Variants in ADGRL3 observed in about 807,000 individuals in gnomAD.
ADGRL3 encodes adhesion G protein-coupled receptor L3.
Under a neutral mutation model 153.5 loss-of-function variants are expected in ADGRL3, and 62 were observed. The observed-to-expected ratio is 0.40, with a 90% CI of 0.33 to 0.50. ADGRL3 has a LOEUF of 0.50. ADGRL3 is among the 20% of genes least tolerant of loss of function. The pLI is 0.47. For synonymous variants in ADGRL3, 710 were observed against 672.5 expected, an observed-to-expected ratio of 1.06 and a Z score of -0.86; for missense variants, 1,641 against 1,859.4, an observed-to-expected ratio of 0.88 and a Z score of 2.16.
At chr4:61,672,284 C>T (rs2095035462) in intron 5 of ADGRL3, among the ~76,000 whole-genome samples, 1 of 151,994 alleles carries the variant, frequency 6.6e-6, no homozygotes, top group Non-Finnish European at 1.5e-5. Context: ...ATCCAGTTTC[C>T]CCAGCCTCCT....
intron 5 of ADGRL3, among the ~76,000 whole-genome samples, chr4:61,645,934 G>A (rs2093957384): frequency 1.3e-5 from 2 of 152,228 alleles, no homozygotes; most frequent in South Asian, 2.1e-4. Flanking sequence ...AATCAGACAT[G>A]GATTTGGTTT....
intron 5 of ADGRL3, among the ~76,000 whole-genome samples, chr4:61,643,383 G>T (rs2093787488): frequency 6.6e-6 from 1 of 151,782 alleles, no homozygotes; most frequent in African/African-American, 2.4e-5. Flanking sequence ...CAAAGGGAAT[G>T]CTTCCAGTTT....
At position 61,886,656 on chromosome 4, in the gene ADGRL3, G is replaced by GTTTT. The variant is rs545920163; in HGVS notation, c.1481-5997_1481-5996insTTTT. On this transcript the variant is annotated intron_variant, in intron 9 of 26. Transcript: ENST00000683033. ...TGTTTGTTTGTTTGTTTGTTTGTTT[G>GTTTT]TTTGTGACAGAGTCTCACTCTGTCG... Among the ~76,000 whole-genome samples, 949 of 151,562 alleles carry GTTTT rather than the reference G, an allele frequency of 6.3e-3. 13 individuals are homozygous for GTTTT. Among genetic ancestry groups the GTTTT allele is most frequent in the Non-Finnish European group, 7.2e-3 (488 of 67,878 alleles).
chr4:61,231,151 G>C (rs1219635578), intron 1 of ADGRL3, among the ~76,000 whole-genome samples: 2 of 152,202 alleles, frequency 1.3e-5, no homozygotes, highest in Non-Finnish European at 2.9e-5. Flanking sequence ...TCTGTGCGGA[G>C]ATAGTAGACC....
At chr4:61,640,433 C>A (rs1433794122) in intron 5 of ADGRL3, among the ~76,000 whole-genome samples, 1 of 152,084 alleles carries the variant, frequency 6.6e-6, no homozygotes, top group Admixed American at 6.6e-5. Context: ...CTGTTTAGAA[C>A]CAACAGTTCC....
chr4:61,557,330 A>T (rs2098771782), intron 4 of ADGRL3, among the ~76,000 whole-genome samples: 1 of 152,162 alleles, frequency 6.6e-6, no homozygotes. Context: ...ACAAACATAT[A>T]ATCTAAAACA....
At chr4:61,607,824 A>C (rs1055058731) in intron 5 of ADGRL3, among the ~76,000 whole-genome samples, 11 of 152,120 alleles carry the variant, frequency 7.2e-5, no homozygotes, top group African/African-American at 2.7e-4. Flanking sequence ...GGAAGAGATC[A>C]GTTTTAGGGA....
At chr4:61,914,069 G>A (rs1031069658) in intron 13 of ADGRL3, among the ~76,000 whole-genome samples, 1 of 152,060 alleles carries the variant, frequency 6.6e-6, no homozygotes, top group African/African-American at 2.4e-5. Context: ...ATGAATAAAT[G>A]TTAGTACACT....
chr4:61,568,697 T>A (rs1485148422), intron 4 of ADGRL3, among the ~76,000 whole-genome samples: 1 of 152,158 alleles, frequency 6.6e-6, no homozygotes, highest in Non-Finnish European at 1.5e-5. Context: ...TCAGTCTTCA[T>A]CCTCATTGAA....
At chr4:61,985,063 C>A (rs2099080685) in intron 19 of ADGRL3, among the ~76,000 whole-genome samples, 2 of 151,688 alleles carry the variant, frequency 1.3e-5, no homozygotes, top group Non-Finnish European at 2.9e-5. Flanking sequence ...TAGAAAGACA[C>A]AAGACTAAAC....
chr4:61,577,156 G>A (rs1365889294), intron 4 of ADGRL3, among the ~76,000 whole-genome samples: 9 of 150,188 alleles, frequency 6.0e-5, no homozygotes, highest in Admixed American at 6.0e-4. Flanking sequence ...ATAATTGTGT[G>A]TGTGTGTGTG....
At chr4:61,570,178 G>A (rs2098832704) in intron 4 of ADGRL3, among the ~76,000 whole-genome samples, 1 of 151,986 alleles carries the variant, frequency 6.6e-6, no homozygotes, top group Admixed American at 6.6e-5. Context: ...TAAGCTTTTT[G>A]TATTGCCTTA....
At chr4:61,315,491 C>A (rs552842460) in intron 1 of ADGRL3, among the ~76,000 whole-genome samples, 1 of 152,268 alleles carries the variant, frequency 6.6e-6, no homozygotes, top group African/African-American at 2.4e-5. Context: ...TACAAAGTTC[C>A]TTCTATGAGG....
At chr4:62,008,671 G>C (rs1192288241) in intron 21 of ADGRL3, among the ~76,000 whole-genome samples, 1 of 150,516 alleles carries the variant, frequency 6.6e-6, no homozygotes, top group Admixed American at 6.6e-5. Context: ...TATATTTACA[G>C]GTTAAAAATT....
chr4:61,650,491 T>C (rs1026347904), intron 5 of ADGRL3, among the ~76,000 whole-genome samples: 12 of 152,146 alleles, frequency 7.9e-5, no homozygotes, highest in Admixed American at 3.9e-4. Context: ...CGTAATGACA[T>C]ATTGTGAAAA....
At position 61,266,362 on chromosome 4, in the gene ADGRL3, G is replaced by C. The variant is rs2092844890; in HGVS notation, c.-240+64597G>C. ...TGTAGATACTTTTAGATTAAATTGTGCTCAAACATATTCATAAAGCAGAAC... is the reference window on the plus strand; with the variant it reads ...TGTAGATACTTTTAGATTAAATTGTCCTCAAACATATTCATAAAGCAGAAC... On this transcript the variant is annotated intron_variant, in intron 1 of 26. Transcript: ENST00000683033. Among the ~76,000 whole-genome samples, 2 of 151,684 alleles carry C rather than the reference G, an allele frequency of 1.3e-5. 1 individual carries two copies.
At chr4:61,654,844 C>T (rs539370651) in intron 5 of ADGRL3, among the ~76,000 whole-genome samples, 2 of 152,004 alleles carry the variant, frequency 1.3e-5, no homozygotes, top group African/African-American at 4.8e-5. Flanking sequence ...TTGCAGTGAG[C>T]CGAGATCTCA....
At chr4:61,392,110 C>A (rs1287169741) in intron 2 of ADGRL3, among the ~76,000 whole-genome samples, 1 of 150,444 alleles carries the variant, frequency 6.6e-6, no homozygotes, top group Non-Finnish European at 1.5e-5. Context: ...ACCTCATGAT[C>A]CACCCGCCTG....
At chr4:61,772,606 G>A (rs974027279) in intron 8 of ADGRL3, among the ~76,000 whole-genome samples, 5 of 152,122 alleles carry the variant, frequency 3.3e-5, no homozygotes, top group African/African-American at 4.8e-5. Flanking sequence ...GTGTGATAGG[G>A]CAAAGTATGG....
Sources: allele counts gnomAD v4.1 joint callset (sites outside exome capture counted in the v4.1 genomes callset), GRCh38; gene constraint gnomAD v4.1.1; transcripts MANE v1.5; gene names NCBI Gene and HGNC (gene_info 2026-07-23, HGNC 2026-07-21).